The following KYAT1 variants were observed in gnomAD, a reference collection of about 807,000 sequenced individuals.
KYAT1 encodes kynurenine aminotransferase 1.
A neutral mutation model predicts 52.4 loss-of-function variants in KYAT1; 47 were observed. The observed-to-expected ratio is 0.90, with a 90% CI of 0.71 to 1.14. KYAT1 has a LOEUF of 1.14. Among genes scored for constraint, KYAT1 ranks in the 50% most tolerant of loss-of-function variants. KYAT1 has a pLI of 0.00. For synonymous variants in KYAT1, 212 were observed against 209.6 expected (o/e 1.01, Z -0.10); for missense variants, 480 against 557.9 (o/e 0.86, Z 1.41).
chr9:128,860,465 T>G (rs543708923), intron 1 of KYAT1: 22 of 152,312 alleles, frequency 1.4e-4, no homozygotes, highest in African/African-American at 5.1e-4. Context: ...TGATTCTCTG[T>G]ATCTACCTTT....
intron 1 of KYAT1, among the ~76,000 whole-genome samples, chr9:128,847,204 G>A (rs1243741207): frequency 1.3e-5 from 2 of 152,190 alleles, no homozygotes; most frequent in South Asian, 2.1e-4. Flanking sequence ...ATGGGCACAG[G>A]GGATCATGGG....
chr9:128,846,555 T>C, intron 1 of KYAT1: 1 of 624,112 alleles, frequency 1.6e-6, no homozygotes, highest in Non-Finnish European at 2.6e-6. Flanking sequence ...GCCAAGATCG[T>C]GCCAGCCACT....
chr9:128,842,544 A>G, intron 3 of KYAT1, 110 bp downstream of exon 3: 1 of 1,113,946 alleles, frequency 9.0e-7, no homozygotes, highest in Non-Finnish European at 1.3e-6. Flanking sequence ...ATGGTCATAC[A>G]GAATCCCCTG....
chr9:128,874,977 G>A (rs1236524439), intron 1 of KYAT1, among the ~76,000 whole-genome samples: 1 of 149,098 alleles, frequency 6.7e-6, no homozygotes, highest in East Asian at 2.0e-4. Flanking sequence ...TGCCCACCTC[G>A]GCCTCCCAAA....
Position 128,859,798 on chromosome 9 carries a change from G to A in KYAT1, c.-6-14387C>T, listed in dbSNP as rs530310455. On this transcript the variant is annotated intron_variant, in intron 1 of 12. Coordinates refer to ENST00000302586, the MANE Select transcript of KYAT1 (RefSeq NM_004059.5). ...TAAGTAGCTGGGACTACAGGTGCCC[G>A]CCATCACACCCAGCTAATTTTTTGT... The A allele has an allele frequency of 2.1e-3, 317 of 152,016 alleles. 2 individuals are homozygous for A. The highest frequency in any genetic ancestry group is 3.8e-3 in the Non-Finnish European group (259 of 67,986). The allele number at this position is 152,016 out of a possible 1,614,324, so 9.4% of individuals were successfully genotyped here.
intron 2 of KYAT1, among the ~76,000 whole-genome samples, chr9:128,844,556 G>A (rs1361108789): frequency 6.6e-6 from 1 of 152,146 alleles, no homozygotes; most frequent in African/African-American, 2.4e-5. Flanking sequence ...TGGGCGTGGT[G>A]GCGCACGCCT....
At chr9:128,870,710 T>C (rs1837104075) in intron 1 of KYAT1, among the ~76,000 whole-genome samples, 1 of 152,102 alleles carries the variant, frequency 6.6e-6, no homozygotes, top group Non-Finnish European at 1.5e-5. Context: ...TCCTTTTCTG[T>C]GAAATATTCA....
intron 1 of KYAT1, chr9:128,847,294 A>G (rs1833252791): frequency 3.3e-6 from 2 of 602,538 alleles, no homozygotes; most frequent in Non-Finnish European, 5.8e-6. Flanking sequence ...GGGGCAAGGG[A>G]GAAGCCCACA....
Position 128,835,325 on chromosome 9 carries a change from T to G in KYAT1, c.1120A>C (p.Lys374Gln), listed in dbSNP as rs758122448. Reference sequence around the variant, plus strand: ...TGCCTGGCAGAGGCCCAGCCCACCTTGTTCTTGATCATCCACTTGACGAAG... The same window carrying G: ...TGCCTGGCAGAGGCCCAGCCCACCTGGTTCTTGATCATCCACTTGACGAAG... ...RRFVKWMIKNKGLVAIPVSIF... is the reference protein window; with the variant it reads ...RRFVKWMIKNQGLVAIPVSIF... Residue 374 changes from lysine (K) to glutamine (Q), a missense_variant and splice_region_variant, in exon 11 of 13, where the codon AAG becomes CAG. Transcript: ENST00000302586. 2.5e-6 allele frequency: 4 copies of G among 1,613,012 alleles called. No homozygotes were observed. Among genetic ancestry groups the G allele is most frequent in the Non-Finnish European group, 3.4e-6 (4 of 1,179,370 alleles).
At chr9:128,869,352 G>A (rs550526531) in intron 1 of KYAT1, among the ~76,000 whole-genome samples, 29 of 151,840 alleles carry the variant, frequency 1.9e-4, no homozygotes, top group East Asian at 3.9e-4. Context: ...TAGTAGAGAC[G>A]GGGTTTCACC....
At chr9:128,877,236 A>G (rs1420477138) in intron 1 of KYAT1, among the ~76,000 whole-genome samples, 3 of 151,884 alleles carry the variant, frequency 2.0e-5, no homozygotes, top group African/African-American at 7.3e-5. Context: ...ATCTTCACTC[A>G]AGCTGTTTCC....
chr9:128,835,676 G>C lies in KYAT1; in HGVS notation c.856-9C>G. The C allele has an allele frequency of 6.2e-7, 1 of 1,608,750 alleles. No individual in the cohort carries two copies. Among genetic ancestry groups the C allele is most frequent in the Non-Finnish European group, 8.5e-7 (1 of 1,179,302 alleles). On this transcript the variant is annotated splice_polypyrimidine_tract_variant and intron_variant, in intron 9 of 12. Transcript: ENST00000302586. ...CTCTCGGCTACTGCAGCCTGGGCAG[G>C]GCAGATGGACACACAGATAGATCAG...
In KYAT1 at chr9:128,833,128, C is replaced by T. The variant is rs10988134; in HGVS notation, c.*456G>A. On this transcript the variant is annotated 3_prime_UTR_variant, in exon 13 of 13. Transcript: ENST00000302586. ...AAGCCGTCAATAAGGATCTTAATAA[C>T]TTAAACATTTTATTATGGACGAAAA... The T allele has an allele frequency of 0.32, 55,775 of 172,850 alleles. 11,108 individuals are homozygous for T. The highest frequency in any genetic ancestry group is 0.58 in the African/African-American group (24,381 of 41,878). The allele number at this position is 172,850 out of a possible 1,614,324, so 10.7% of individuals were successfully genotyped here.
intron 2 of KYAT1, 114 bp downstream of exon 2, chr9:128,845,239 T>C (rs1832873523): frequency 1.3e-6 from 1 of 770,614 alleles, no homozygotes; most frequent in Non-Finnish European, 2.2e-6. Flanking sequence ...GGCTGGAATC[T>C]GGCAGTCTGT....
At chr9:128,870,884 TAA>T (rs753950363) in intron 1 of KYAT1, among the ~76,000 whole-genome samples, 28 of 150,424 alleles carry the variant, frequency 1.9e-4, no homozygotes, top group Non-Finnish European at 3.1e-4. Flanking sequence ...GTGAATGCAC[TAA>T]ATGCCACTGA....
At chr9:128,870,805 G>A (rs1408357426) in intron 1 of KYAT1, among the ~76,000 whole-genome samples, 1 of 152,094 alleles carries the variant, frequency 6.6e-6, no homozygotes, top group East Asian at 1.9e-4. Flanking sequence ...TATTTGATGG[G>A]TACGGAGTGT....
intron 2 of KYAT1, among the ~76,000 whole-genome samples, chr9:128,844,898 G>T (rs1832827325): frequency 6.6e-6 from 1 of 152,078 alleles, no homozygotes; most frequent in Non-Finnish European, 1.5e-5. Context: ...AGTCAAAAAA[G>T]AAAACAATAT....
chr9:128,870,284 T>C (rs189170218), intron 1 of KYAT1, among the ~76,000 whole-genome samples: 1 of 152,308 alleles, frequency 6.6e-6, no homozygotes, highest in African/African-American at 2.4e-5. Context: ...TACCATGGAA[T>C]ATTATTCAGC....
At chr9:128,875,914 C>T (rs1837953399) in intron 1 of KYAT1, among the ~76,000 whole-genome samples, 1 of 152,138 alleles carries the variant, frequency 6.6e-6, no homozygotes, top group African/African-American at 2.4e-5. Context: ...TGGAATGCAT[C>T]ACTGATGCAT....
Sources: allele counts gnomAD v4.1 joint callset (sites outside exome capture counted in the v4.1 genomes callset), GRCh38; gene constraint gnomAD v4.1.1; transcripts MANE v1.5; gene names NCBI Gene and HGNC (gene_info 2026-07-23, HGNC 2026-07-21).